Variants in RNF111 observed in about 807,000 individuals in gnomAD.
RNF111 encodes ring finger protein 111.
A neutral mutation model predicts 95.1 loss-of-function variants in RNF111; 17 were observed. The observed-to-expected ratio is 0.18, with a 90% CI of 0.12 to 0.27. The LOEUF (loss-of-function observed/expected upper bound fraction) is 0.27, where lower values mean the gene tolerates loss of function less well. RNF111 is among the 10% of genes least tolerant of loss of function. The pLI is 1.00. For synonymous variants in RNF111, 440 were observed against 414.8 expected (o/e 1.06, Z -0.74); for missense variants, 1,189 against 1,210.4 (o/e 0.98, Z 0.26).
In RNF111 at chr15:59,084,317, A is replaced by T. The variant is rs531739525; in HGVS notation, c.2423+63A>T. 2.2e-4 allele frequency: 304 copies of T among 1,396,450 alleles called. 1 individual carries two copies. In the South Asian group the frequency reaches 4.3e-3, roughly 20 times the overall value. The allele number at this position is 1,396,450 out of a possible 1,614,324, so 86.5% of individuals were successfully genotyped here. The stretch of plus-strand genomic sequence containing the variant: ...GCTTGTGGTAAAACTATTGGAAGAG[A>T]TGCCTTGTGATTGATTGCTTTGCAG... On this transcript the variant is annotated intron_variant, in intron 9 of 13. Coordinates refer to ENST00000348370, the MANE Select transcript of RNF111 (RefSeq NM_017610.8).
chr15:59,075,965 A>G lies in RNF111; in HGVS notation c.1698A>G (p.Pro566=). The change falls in exon 7 of 14, where the codon CCA becomes CCG. Residue 566 remains proline (P), a synonymous_variant. Coordinates refer to ENST00000348370, the MANE Select transcript of RNF111 (RefSeq NM_017610.8). The part of the protein sequence containing the change: ...GTSYHEQQAL[P]VDLSNSGIRS... ...TCCTTTTTATCTAGCAGGCATTGCC[A>G]GTGGACCTGAGCAACAGTGGTATCA... The G allele has an allele frequency of 1.9e-6, 3 of 1,614,208 alleles. No individual in the cohort carries two copies. Among genetic ancestry groups the G allele is most frequent in the African/African-American group, 1.3e-5 (1 of 75,068 alleles).
At chr15:59,019,051 G>T (rs2141628622) in intron 1 of RNF111, among the ~76,000 whole-genome samples, 1 of 151,146 alleles carries the variant, frequency 6.6e-6, no homozygotes, top group Admixed American at 6.6e-5. Flanking sequence ...AGCCACCCGT[G>T]TAGGTGAGAC....
At chr15:58,988,320 C>T (rs1194517579) in intron 1 of RNF111, 2 of 152,430 alleles carry the variant, frequency 1.3e-5, no homozygotes, top group East Asian at 3.9e-4. Context: ...GGGGATTTCT[C>T]TCCCACTTCC....
intron 1 of RNF111, among the ~76,000 whole-genome samples, chr15:59,019,049 G>C (rs1048069586): frequency 1.3e-5 from 2 of 151,244 alleles, no homozygotes; most frequent in African/African-American, 4.9e-5. Flanking sequence ...TCAGCCACCC[G>C]TGTAGGTGAG....
At chr15:59,016,277 C>T (rs1161341320) in intron 1 of RNF111, among the ~76,000 whole-genome samples, 3 of 151,762 alleles carry the variant, frequency 2.0e-5, no homozygotes, top group Non-Finnish European at 4.4e-5. Context: ...TCAAGCGATT[C>T]TCCTGCCTCA....
At chr15:59,039,590 G>A (rs76962534) in intron 2 of RNF111, among the ~76,000 whole-genome samples, 4,722 of 152,140 alleles carry the variant, frequency 0.031, 123 homozygotes, top group Middle Eastern at 0.058. Context: ...TTCAAACTGG[G>A]TCATTGTCCT....
chr15:59,031,759 AT>A (rs2040921921), intron 2 of RNF111, 57 bp downstream of exon 2: 1 of 1,489,704 alleles, frequency 6.7e-7, no homozygotes, highest in Admixed American at 2.1e-5. Flanking sequence ...TTTGTGCTTA[AT>A]TTTTTGTTTG....
chr15:58,993,340 C>G (rs1280801931), intron 1 of RNF111, among the ~76,000 whole-genome samples: 1 of 151,994 alleles, frequency 6.6e-6, no homozygotes, highest in Admixed American at 6.6e-5. Flanking sequence ...GAAACCTTGT[C>G]TCTACTAAAA....
chr15:59,068,944 C>T (rs560461900), intron 6 of RNF111, among the ~76,000 whole-genome samples: 13 of 151,460 alleles, frequency 8.6e-5, no homozygotes, highest in Non-Finnish European at 1.6e-4. Context: ...GTCTGTGGCG[C>T]GTGCCTGTAA....
chr15:59,009,229 G>C (rs2039679040), intron 1 of RNF111, among the ~76,000 whole-genome samples: 1 of 152,092 alleles, frequency 6.6e-6, no homozygotes, highest in East Asian at 1.9e-4. Flanking sequence ...AAAGTGCTGG[G>C]ATTACAGGCG....
chr15:58,997,808 C>A (rs1223572901), intron 1 of RNF111, among the ~76,000 whole-genome samples: 1 of 150,534 alleles, frequency 6.6e-6, no homozygotes, highest in Non-Finnish European at 1.5e-5. Flanking sequence ...GTGTGAGACT[C>A]CATCTCAAAA....
At chr15:59,067,513 C>T (rs1437275858) in intron 6 of RNF111, among the ~76,000 whole-genome samples, 1 of 152,090 alleles carries the variant, frequency 6.6e-6, no homozygotes, top group Admixed American at 6.6e-5. Flanking sequence ...CTAAATTAAT[C>T]ACATTCTTAC....
intron 1 of RNF111, among the ~76,000 whole-genome samples, chr15:59,029,448 A>G (rs140862171): frequency 1.4e-3 from 220 of 152,354 alleles, no homozygotes; most frequent in African/African-American, 5.2e-3. Flanking sequence ...TGGATACAGC[A>G]CTGCCTGTGC....
In RNF111 at chr15:59,066,853, C is replaced by T. The variant is rs777772451; in HGVS notation, c.1456C>T (p.Pro486Ser). The T allele has an allele frequency of 1.2e-6, 2 of 1,613,996 alleles. No homozygotes were observed. ...ACCTTCCTGCTGTCCCCAGCACTCA[C>T]CATGTGGAGGGTCGTCACAGAACCA... ...RLPSCCPQHS[P>S]CGGSSQNHHA... The change falls in exon 6 of 14, where the codon CCA becomes TCA. Residue 486 changes from proline to serine, a missense_variant. Pro to Ser is a moderately conservative substitution (Grantham distance 74). Transcript: ENST00000348370.
chr15:59,074,325 C>T (rs1281960446), intron 6 of RNF111, among the ~76,000 whole-genome samples: 1 of 152,170 alleles, frequency 6.6e-6, no homozygotes, highest in Admixed American at 6.5e-5. Context: ...CTATGAAAGT[C>T]CTGGATGACA....
intron 1 of RNF111, among the ~76,000 whole-genome samples, chr15:59,023,685 G>C (rs4775110): frequency 0.33 from 50,353 of 151,992 alleles, 8,455 homozygotes; most frequent in Middle Eastern, 0.46. Context: ...GTTTAAATGA[G>C]TTTACTAGCC....
At chr15:59,064,764 A>G (rs765516965) in intron 5 of RNF111, among the ~76,000 whole-genome samples, 55 of 151,872 alleles carry the variant, frequency 3.6e-4, no homozygotes, top group Non-Finnish European at 7.1e-4. Flanking sequence ...AAACGAATAT[A>G]CAGAAATTTA....
At chr15:59,035,665 A>G (rs998139141) in intron 2 of RNF111, among the ~76,000 whole-genome samples, 2 of 152,278 alleles carry the variant, frequency 1.3e-5, no homozygotes, top group South Asian at 2.1e-4. Context: ...CATATACCCT[A>G]AATCATCTCT....
Position 59,012,003 on chromosome 15 carries a change from C to CTTTTTTTTTTTTTTT in RNF111, c.-19-18786_-19-18772dup, listed in dbSNP as rs71425836. On this transcript the variant is annotated intron_variant, in intron 1 of 13. Transcript: ENST00000348370. ...TTAGTGTTCTTTTTTGTTTGTTTGCCTTTTTTTTTTTTTTTTTTTTTTTTT... is the reference window on the plus strand; with the variant it reads ...TTAGTGTTCTTTTTTGTTTGTTTGCCTTTTTTTTTTTTTTTTTTTTTTTTTTTTTTTTTTTTTTTT... 1.1e-3 allele frequency among the ~76,000 whole-genome samples: 43 copies of CTTTTTTTTTTTTTTT among 40,452 alleles called. 8 individuals carry two copies. Among genetic ancestry groups the CTTTTTTTTTTTTTTT allele is most frequent in the African/African-American group, 1.8e-3 (22 of 12,118 alleles). The allele number at this position is 40,452 out of a possible 152,430, so 26.5% of individuals were successfully genotyped here.
Sources: gnomAD v4.1 joint callset for allele counts (sites outside exome capture counted in the v4.1 genomes callset) on GRCh38, gnomAD v4.1.1 for gene constraint, MANE v1.5 for transcripts, NCBI Gene and HGNC (gene_info 2026-07-23, HGNC 2026-07-21) for gene names.